TRDN: variants seen among roughly 807,000 people sequenced by gnomAD.
TRDN encodes the protein triadin in skeletal muscle.
TRDN carries 161 observed loss-of-function variants against 149.7 expected under a neutral mutation model. The observed-to-expected ratio is 1.08, with a 90% CI of 0.95 to 1.23. TRDN has a LOEUF of 1.23. TRDN is among the 50% of genes most tolerant of loss of function. The probability of loss-of-function intolerance (pLI) is 0.00; values close to 1 mark genes in which losing one functional copy is unlikely to be tolerated. For missense variants in TRDN, 896 were observed against 823.5 expected (o/e 1.09, Z -1.08); for synonymous variants, 294 against 250.5 (o/e 1.17, Z -1.64).
chr6:123,551,342 T>TATACACACAC (rs1554256527), intron 2 of TRDN, among the ~76,000 whole-genome samples: 25 of 141,200 alleles, frequency 1.8e-4, no homozygotes, highest in African/African-American at 6.4e-4. Context: ...AAAACCTAAA[T>TATACACACAC]ACACACACAC....
chr6:123,492,434 A>G (rs1328118289), intron 9 of TRDN, among the ~76,000 whole-genome samples: 7 of 152,150 alleles, frequency 4.6e-5, no homozygotes, highest in Non-Finnish European at 1.5e-5. Flanking sequence ...GAGGTCTGTG[A>G]ACCATGTGAT....
chr6:123,513,026 GT>G (rs1779252186), intron 6 of TRDN, among the ~76,000 whole-genome samples: 1 of 152,114 alleles, frequency 6.6e-6, no homozygotes, highest in South Asian at 2.1e-4. Flanking sequence ...GATAAACAGT[GT>G]CCTCCAGAAT....
chr6:123,397,254 G>T (rs1047767150), intron 12 of TRDN, among the ~76,000 whole-genome samples: 1 of 152,096 alleles, frequency 6.6e-6, no homozygotes, highest in Non-Finnish European at 1.5e-5. Flanking sequence ...AACTGACAGG[G>T]GCAGGAGAAT....
At chr6:123,310,059 T>A (rs1778758929) in intron 24 of TRDN, among the ~76,000 whole-genome samples, 1 of 152,034 alleles carries the variant, frequency 6.6e-6, no homozygotes, top group Admixed American at 6.6e-5. Context: ...GAACTGAAGT[T>A]TTGTGGGTAG....
At chr6:123,350,931 G>A (rs1178184108) in intron 21 of TRDN, 1 of 984,806 alleles carries the variant, frequency 1.0e-6, no homozygotes, top group Non-Finnish European at 1.2e-6. Context: ...CCAGTCTCTT[G>A]TCCACTAGAG....
intron 20 of TRDN, among the ~76,000 whole-genome samples, chr6:123,362,114 G>A (rs1045811400): frequency 1.3e-5 from 2 of 152,102 alleles, no homozygotes; most frequent in Admixed American, 6.5e-5. Context: ...TCTGAAGAAC[G>A]CTATTGTCAT....
At position 123,585,036 on chromosome 6, in the gene TRDN, T is replaced by C. The variant is rs151286052; in HGVS notation, c.23-13904A>G. On this transcript the variant is annotated intron_variant, in intron 1 of 40. Coordinates refer to ENST00000334268, the MANE Select transcript of TRDN (RefSeq NM_006073.4). ...TTTCAAAGCATGCTGTGGGATGGGA[T>C]ATTGGCATTGATTGGAGTAAGGGTG... is the stretch of plus-strand genomic sequence containing the variant. Among the ~76,000 whole-genome samples, 75 of 151,856 alleles carry C rather than the reference T, an allele frequency of 4.9e-4. No homozygotes were observed. In the East Asian group the frequency reaches 0.013, roughly 27 times the overall value.
chr6:123,634,317 T>G (rs1412622762), intron 1 of TRDN, among the ~76,000 whole-genome samples: 1 of 151,956 alleles, frequency 6.6e-6, no homozygotes, highest in Admixed American at 6.6e-5. Flanking sequence ...GGTGCACACC[T>G]GTAGTCCTAA....
At chr6:123,249,254 G>C (rs1463110383) in intron 38 of TRDN, among the ~76,000 whole-genome samples, 1 of 151,994 alleles carries the variant, frequency 6.6e-6, no homozygotes, top group East Asian at 1.9e-4. Flanking sequence ...ACACCAGTCA[G>C]AATGGCTATT....
intron 38 of TRDN, among the ~76,000 whole-genome samples, chr6:123,231,294 A>G (rs115222268): frequency 2.0e-5 from 3 of 152,196 alleles, no homozygotes; most frequent in African/African-American, 7.2e-5. Context: ...ATGACAATTG[A>G]TAGTATAACT....
intron 24 of TRDN, among the ~76,000 whole-genome samples, chr6:123,307,537 C>G (rs1778658638): frequency 6.6e-6 from 1 of 152,038 alleles, no homozygotes; most frequent in Non-Finnish European, 1.5e-5. Context: ...ATGATTGATG[C>G]ATTTTTTTAA....
chr6:123,352,389 C>A (rs898706057), intron 21 of TRDN, 150 bp downstream of exon 21: 2 of 1,373,820 alleles, frequency 1.5e-6, no homozygotes, highest in East Asian at 2.7e-5. Context: ...GTCTCACATT[C>A]TCCCTGGCAC....
At position 123,350,555 on chromosome 6, in the gene TRDN, C is replaced by T. The variant is rs1780423446; in HGVS notation, c.1369+1984G>A. ...AGTATACAAGTCTTAAAGCATTATG[C>T]ATAACTATTAGAATATGGGACAATT... is the stretch of plus-strand genomic sequence containing the variant. On this transcript the variant is annotated intron_variant, in intron 21 of 40. Transcript: ENST00000334268. The T allele has an allele frequency of 2.9e-5, 20 of 686,822 alleles. No homozygotes were observed. The South Asian group carries it at 1.2e-3, about 41-fold the overall frequency. 42.5% of individuals were successfully genotyped at this position (686,822 alleles called of 1,614,324 possible).
chr6:123,361,191 A>T (rs1176556542), intron 20 of TRDN, among the ~76,000 whole-genome samples: 2 of 152,160 alleles, frequency 1.3e-5, no homozygotes, highest in Non-Finnish European at 2.9e-5. Flanking sequence ...ACCATAGAAT[A>T]CTATGCAGCC....
chr6:123,347,013 T>C (rs1008104483), intron 21 of TRDN, among the ~76,000 whole-genome samples: 1 of 151,890 alleles, frequency 6.6e-6, no homozygotes, highest in African/African-American at 2.4e-5. Context: ...AAGAATACCA[T>C]GGAGTGTGAA....
At chr6:123,377,621 C>A (rs915616605) in intron 18 of TRDN, 95 bp downstream of exon 18, 5 of 1,433,668 alleles carry the variant, frequency 3.5e-6, no homozygotes, top group Admixed American at 3.7e-5. Context: ...ATTCCCCACC[C>A]TTTACTGGCG....
intron 4 of TRDN, among the ~76,000 whole-genome samples, chr6:123,533,649 GT>G (rs1290525537): frequency 2.0e-5 from 3 of 151,964 alleles, no homozygotes; most frequent in Non-Finnish European, 2.9e-5. Flanking sequence ...TGAGTGCTAG[GT>G]AGTAGCAGTA....
chr6:123,409,768 G>T (rs1245689177), intron 12 of TRDN, among the ~76,000 whole-genome samples: 1 of 151,920 alleles, frequency 6.6e-6, no homozygotes, highest in Non-Finnish European at 1.5e-5. Flanking sequence ...TATGCCATGT[G>T]CTATTATAAG....
intron 23 of TRDN, among the ~76,000 whole-genome samples, chr6:123,326,790 A>G (rs1779472848): frequency 6.6e-6 from 1 of 152,128 alleles, no homozygotes; most frequent in Non-Finnish European, 1.5e-5. Flanking sequence ...TCAATTAGCT[A>G]TTTTTAAAAT....
Sources: allele counts gnomAD v4.1 joint callset (sites outside exome capture counted in the v4.1 genomes callset), GRCh38; gene constraint gnomAD v4.1.1; transcripts MANE v1.5; gene names NCBI Gene and HGNC (gene_info 2026-07-23, HGNC 2026-07-21).